The following PTPRR variants were observed in gnomAD, a reference collection of about 807,000 sequenced individuals.
The protein encoded by PTPRR is protein tyrosine phosphatase receptor type R.
A neutral mutation model predicts 77.2 loss-of-function variants in PTPRR; 38 were observed. That is an observed-to-expected ratio of 0.49 (90% CI 0.38 to 0.65). The LOEUF is 0.65. Among genes scored for constraint, PTPRR ranks in the 30% least tolerant of loss-of-function variants. The pLI, the probability that PTPRR is intolerant of heterozygous loss-of-function variation, is 0.00. For missense variants in PTPRR, 744 were observed against 799.2 expected (o/e 0.93, Z 0.83); for synonymous variants, 299 against 283.1 (o/e 1.06, Z -0.57).
intron 1 of PTPRR, among the ~76,000 whole-genome samples, chr12:70,901,317 A>C (rs1159888310): frequency 6.6e-6 from 1 of 151,570 alleles, no homozygotes; most frequent in Non-Finnish European, 1.5e-5. Context: ...CGTTCACTGA[A>C]GCGTTATTCA....
intron 2 of PTPRR, among the ~76,000 whole-genome samples, chr12:70,814,083 A>G (rs1388113208): frequency 1.3e-5 from 2 of 152,370 alleles, no homozygotes; most frequent in African/African-American, 4.8e-5. Context: ...ATCAGTGTCC[A>G]TAAATTTTTT....
At position 70,856,850 on chromosome 12, in the gene PTPRR, A is replaced by G. The variant is rs531903573; in HGVS notation, c.357+35829T>C. Among the ~76,000 whole-genome samples the G allele has an allele frequency of 6.9e-3, 1,018 of 148,240 alleles. 51 individuals are homozygous for G. The highest frequency in any genetic ancestry group is 0.06 in the Admixed American group (889 of 14,842). Reference sequence around the variant, plus strand: ...GGAGTGGAGTGGGGGAGAGAGGGGGAGAGAGAGAGAGAGAGAATCTACTGT... The same window carrying G: ...GGAGTGGAGTGGGGGAGAGAGGGGGGGAGAGAGAGAGAGAGAATCTACTGT... On this transcript the variant is annotated intron_variant, in intron 2 of 13. Transcript: ENST00000283228.
intron 6 of PTPRR, among the ~76,000 whole-genome samples, chr12:70,742,418 G>A (rs547433853): frequency 6.6e-6 from 1 of 152,152 alleles, no homozygotes; most frequent in Admixed American, 6.6e-5. Flanking sequence ...AAAAGGACAG[G>A]TTCTAGGCAA....
At chr12:70,799,969 G>C (rs1301072343) in intron 2 of PTPRR, among the ~76,000 whole-genome samples, 1 of 152,060 alleles carries the variant, frequency 6.6e-6, no homozygotes, top group Non-Finnish European at 1.5e-5. Flanking sequence ...CAAAGATATG[G>C]TTAAAATACA....
At chr12:70,809,560 A>G (rs1484685305) in intron 2 of PTPRR, among the ~76,000 whole-genome samples, 16 of 152,086 alleles carry the variant, frequency 1.1e-4, no homozygotes, top group African/African-American at 1.9e-4. Context: ...ACTAAATTCT[A>G]TATCTTCTAA....
At chr12:70,726,543 A>G (rs1375012248) in intron 6 of PTPRR, among the ~76,000 whole-genome samples, 1 of 151,266 alleles carries the variant, frequency 6.6e-6, no homozygotes, top group Non-Finnish European at 1.5e-5. Flanking sequence ...GATAAATGTT[A>G]TCTGTTATCA....
At chr12:70,858,857 T>G (rs190314661) in intron 2 of PTPRR, among the ~76,000 whole-genome samples, 89 of 152,186 alleles carry the variant, frequency 5.8e-4, no homozygotes, top group African/African-American at 1.8e-3. Flanking sequence ...TATATTCGGT[T>G]GAGTCCTGAT....
At chr12:70,694,795 CT>C (rs769886941) in intron 8 of PTPRR, among the ~76,000 whole-genome samples, 4 of 151,976 alleles carry the variant, frequency 2.6e-5, no homozygotes, top group Admixed American at 6.6e-5. Flanking sequence ...CAGGTACCCC[CT>C]GAATCTAAAG....
At chr12:70,649,073 A>G (rs562165922) in intron 13 of PTPRR, among the ~76,000 whole-genome samples, 2 of 152,324 alleles carry the variant, frequency 1.3e-5, no homozygotes, top group African/African-American at 4.8e-5. Context: ...GGAAATATCC[A>G]TTCAGCATAA....
intron 2 of PTPRR, among the ~76,000 whole-genome samples, chr12:70,827,931 GTC>G (rs1244849323): frequency 6.6e-6 from 1 of 151,906 alleles, no homozygotes; most frequent in Non-Finnish European, 1.5e-5. Context: ...ATGTTGGCCA[GTC>G]TCACTTGAAC....
intron 6 of PTPRR, among the ~76,000 whole-genome samples, chr12:70,735,450 G>C (rs1220076195): frequency 6.6e-6 from 1 of 152,154 alleles, no homozygotes; most frequent in Non-Finnish European, 1.5e-5. Flanking sequence ...GATCTCGTGA[G>C]ACTTATTCAC....
intron 6 of PTPRR, among the ~76,000 whole-genome samples, chr12:70,708,111 T>C (rs1283780970): frequency 1.3e-5 from 2 of 152,082 alleles, no homozygotes; most frequent in Non-Finnish European, 1.5e-5. Context: ...TCCTAGCAAT[T>C]TTCCCAATAT....
At chr12:70,713,608 G>A (rs1888913322) in intron 6 of PTPRR, among the ~76,000 whole-genome samples, 2 of 148,186 alleles carry the variant, frequency 1.3e-5, no homozygotes, top group Non-Finnish European at 3.0e-5. Flanking sequence ...GGTGTGAAGT[G>A]TATCTCATTG....
intron 1 of PTPRR, among the ~76,000 whole-genome samples, chr12:70,910,305 C>T (rs535927231): frequency 6.6e-6 from 1 of 152,108 alleles, no homozygotes; most frequent in South Asian, 2.1e-4. Context: ...ATCCTAGAGC[C>T]CAAATGTTTT....
intron 6 of PTPRR, among the ~76,000 whole-genome samples, chr12:70,711,821 T>G (rs2136816743): frequency 6.6e-6 from 1 of 152,270 alleles, no homozygotes; most frequent in South Asian, 2.1e-4. Context: ...AGCAGATATC[T>G]TAAGTCATTA....
At chr12:70,867,337 CAA>C (rs1481007525) in intron 2 of PTPRR, among the ~76,000 whole-genome samples, 1 of 151,332 alleles carries the variant, frequency 6.6e-6, no homozygotes, top group African/African-American at 2.4e-5. Flanking sequence ...GCAACTTCAG[CAA>C]AGTCTCAGGA....
chr12:70,649,116 T>C (rs1182265592), intron 13 of PTPRR, among the ~76,000 whole-genome samples: 1 of 152,226 alleles, frequency 6.6e-6, no homozygotes, highest in African/African-American at 2.4e-5. Flanking sequence ...CATTTGAATT[T>C]ATTACTAAAA....
At chr12:70,740,769 T>C (rs1890021385) in intron 6 of PTPRR, among the ~76,000 whole-genome samples, 1 of 152,200 alleles carries the variant, frequency 6.6e-6, no homozygotes, top group African/African-American at 2.4e-5. Context: ...ATGCAGTCTT[T>C]ATGGTCTCCT....
At chr12:70,640,957 C>T (rs1034066814) in intron 13 of PTPRR, among the ~76,000 whole-genome samples, 2 of 152,286 alleles carry the variant, frequency 1.3e-5, no homozygotes, top group Middle Eastern at 3.4e-3. Flanking sequence ...AATTGGTCTT[C>T]CTCCCCTAGA....
Sources: allele counts gnomAD v4.1 joint callset (sites outside exome capture counted in the v4.1 genomes callset), GRCh38; gene constraint gnomAD v4.1.1; transcripts MANE v1.5; gene names NCBI Gene and HGNC (gene_info 2026-07-23, HGNC 2026-07-21).